The following ENAH variants were observed in gnomAD, a reference collection of about 807,000 sequenced individuals.
ENAH encodes protein enabled homolog.
ENAH carries 23 observed loss-of-function variants against 78.7 expected under a neutral mutation model. The observed-to-expected ratio is 0.29, with a 90% CI of 0.21 to 0.41. The LOEUF is 0.41. ENAH is among the 10% of genes least tolerant of loss of function. ENAH has a pLI of 1.00. For missense variants in ENAH, 544 were observed against 691.0 expected, an observed-to-expected ratio of 0.79 and a Z score of 2.39; for synonymous variants, 226 against 241.0, an observed-to-expected ratio of 0.94 and a Z score of 0.58.
intron 1 of ENAH, among the ~76,000 whole-genome samples, chr1:225,624,263 C>G (rs1205528566): frequency 1.3e-5 from 2 of 151,854 alleles, no homozygotes; most frequent in Non-Finnish European, 1.5e-5. Flanking sequence ...CACAGCAAGA[C>G]CCTGTCTTTA....
chr1:225,641,826 GC>G (rs1158365466), intron 1 of ENAH, among the ~76,000 whole-genome samples: 2 of 152,076 alleles, frequency 1.3e-5, no homozygotes, highest in African/African-American at 4.8e-5. Context: ...TTCAAGACCA[GC>G]CCGGCCAACA....
chr1:225,635,454 C>T (rs1485872686), intron 1 of ENAH, among the ~76,000 whole-genome samples: 3 of 152,154 alleles, frequency 2.0e-5, no homozygotes, highest in Non-Finnish European at 2.9e-5. Flanking sequence ...TTCATTAGCT[C>T]CAGCTGCTTT....
chr1:225,641,581 A>C (rs1438839238), intron 1 of ENAH, among the ~76,000 whole-genome samples: 1 of 152,052 alleles, frequency 6.6e-6, no homozygotes, highest in Non-Finnish European at 1.5e-5. Flanking sequence ...AAGAATGGAA[A>C]ACTCAGTATT....
intron 1 of ENAH, among the ~76,000 whole-genome samples, chr1:225,591,508 C>T (rs1415330499): frequency 6.7e-6 from 1 of 149,046 alleles, no homozygotes; most frequent in Non-Finnish European, 1.5e-5. Context: ...GGCTCATGCC[C>T]GGAATCCCAG....
intron 2 of ENAH, among the ~76,000 whole-genome samples, chr1:225,558,794 C>T (rs1366687775): frequency 5.9e-5 from 9 of 151,954 alleles, no homozygotes; most frequent in Admixed American, 2.0e-4. Context: ...CCAACACACC[C>T]GGCTAATTTT....
chr1:225,597,055 T>C (rs934422430), intron 1 of ENAH, among the ~76,000 whole-genome samples: 5 of 152,204 alleles, frequency 3.3e-5, no homozygotes, highest in Non-Finnish European at 7.3e-5. Context: ...GCCCATACTT[T>C]TTAAAAAGAC....
intron 4 of ENAH, among the ~76,000 whole-genome samples, chr1:225,523,397 T>G (rs1229007142): frequency 6.6e-6 from 1 of 151,910 alleles, no homozygotes; most frequent in African/African-American, 2.4e-5. Context: ...CTTAAGAAGT[T>G]TGTTCCACAT....
rs141809869 is a variant in ENAH at position 225,634,983 on chromosome 1, A to C, written c.5+17703T>G. Among the ~76,000 whole-genome samples the C allele has an allele frequency of 2.0e-5, 3 of 152,352 alleles. No individual in the cohort carries two copies. In the East Asian group the frequency reaches 5.8e-4, roughly 29 times the overall value. ...TTGATAAGGATTACGTTGTGTCTGC[A>C]TATCAATTTAAGTAGTACTGTCACC... On this transcript the variant is annotated intron_variant, in intron 1 of 13. Transcript: ENST00000366843.
At chr1:225,608,623 C>T (rs55759067) in intron 1 of ENAH, among the ~76,000 whole-genome samples, 10 of 151,668 alleles carry the variant, frequency 6.6e-5, no homozygotes, top group Non-Finnish European at 1.3e-4. Flanking sequence ...CGAGACCAGC[C>T]TCATCAACAT....
intron 1 of ENAH, among the ~76,000 whole-genome samples, chr1:225,587,455 A>G (rs2096852930): frequency 6.6e-6 from 1 of 152,224 alleles, no homozygotes; most frequent in Non-Finnish European, 1.5e-5. Context: ...TCTTCATAAT[A>G]TCATGCGTAA....
chr1:225,500,707 G>T (rs1245291432), intron 12 of ENAH, among the ~76,000 whole-genome samples: 1 of 152,116 alleles, frequency 6.6e-6, no homozygotes. Flanking sequence ...AAAGCCCATT[G>T]TTTTCTTTAC....
intron 2 of ENAH, among the ~76,000 whole-genome samples, chr1:225,565,076 CAT>C (rs2096727909): frequency 6.6e-6 from 1 of 152,122 alleles, no homozygotes; most frequent in African/African-American, 2.4e-5. Context: ...AAATCTAAGT[CAT>C]AGGATAGTTT....
intron 1 of ENAH, among the ~76,000 whole-genome samples, chr1:225,601,277 T>C (rs1205092818): frequency 6.6e-6 from 1 of 152,110 alleles, no homozygotes. Context: ...TCCCAGCAGT[T>C]TGGGAGGCCG....
chr1:225,633,006 G>C (rs1280435135), intron 1 of ENAH, among the ~76,000 whole-genome samples: 4 of 151,468 alleles, frequency 2.6e-5, no homozygotes, highest in African/African-American at 9.7e-5. Context: ...TATGTGGCAT[G>C]TTAGTTCTGT....
At chr1:225,641,773 C>T (rs1250220446) in intron 1 of ENAH, among the ~76,000 whole-genome samples, 1 of 152,118 alleles carries the variant, frequency 6.6e-6, no homozygotes, top group Non-Finnish European at 1.5e-5. Flanking sequence ...GTAATCCCAG[C>T]ACTTTGGGAG....
chr1:225,545,102 T>A (rs1355161760), intron 3 of ENAH, among the ~76,000 whole-genome samples: 1 of 152,122 alleles, frequency 6.6e-6, no homozygotes, highest in African/African-American at 2.4e-5. Context: ...CATAATGTCC[T>A]CATGGGGGAG....
chr1:225,625,364 G>A (rs1314823295), intron 1 of ENAH, among the ~76,000 whole-genome samples: 1 of 152,048 alleles, frequency 6.6e-6, no homozygotes, highest in Admixed American at 6.5e-5. Flanking sequence ...GAAATGAGAT[G>A]TTGTCTTACC....
At chr1:225,625,063 T>C (rs1427763824) in intron 1 of ENAH, among the ~76,000 whole-genome samples, 1 of 152,180 alleles carries the variant, frequency 6.6e-6, no homozygotes, top group African/African-American at 2.4e-5. Context: ...TTCTCACACA[T>C]AACCTGTTCC....
chr1:225,533,123 TA>T (rs2096546014), intron 3 of ENAH, among the ~76,000 whole-genome samples: 1 of 152,166 alleles, frequency 6.6e-6, no homozygotes, highest in Admixed American at 6.6e-5. Context: ...CATTGAAATT[TA>T]TGTGCATTTA....
Sources: allele counts gnomAD v4.1 joint callset (sites outside exome capture counted in the v4.1 genomes callset), GRCh38; gene constraint gnomAD v4.1.1; transcripts MANE v1.5; gene names NCBI Gene and HGNC (gene_info 2026-07-23, HGNC 2026-07-21).